The following PLD5 variants were observed in gnomAD, a reference collection of about 807,000 sequenced individuals.
The protein encoded by PLD5 is phospholipase D family member 5, also known as inactive phospholipase D5.
Under a neutral mutation model 61.1 loss-of-function variants are expected in PLD5, and 36 were observed. That is an observed-to-expected ratio of 0.59 (90% CI 0.45 to 0.78). PLD5 has a LOEUF of 0.78. Ranked by LOEUF, PLD5 falls within the 30% of genes least tolerant of loss-of-function variation. The probability of loss-of-function intolerance (pLI) is 0.00; values close to 1 mark genes in which losing one functional copy is unlikely to be tolerated. For missense variants in PLD5, 515 were observed against 644.4 expected, an observed-to-expected ratio of 0.80 and a Z score of 2.17; for synonymous variants, 243 against 242.8, an observed-to-expected ratio of 1.00 and a Z score of -0.01.
intron 1 of PLD5, among the ~76,000 whole-genome samples, chr1:242,490,293 C>T (rs562227417): frequency 6.6e-6 from 1 of 152,212 alleles, no homozygotes; most frequent in East Asian, 1.9e-4. Context: ...TGTAATAAAC[C>T]CAGAAATTCA....
chr1:242,438,104 G>A (rs2654884), intron 1 of PLD5, among the ~76,000 whole-genome samples: 85,778 of 151,672 alleles, frequency 0.57, 24,631 homozygotes, highest in African/African-American at 0.67. Flanking sequence ...TGGGGCATTC[G>A]TAGATATCCT....
At chr1:242,248,665 C>T (rs1275264919) in intron 4 of PLD5, among the ~76,000 whole-genome samples, 1 of 151,884 alleles carries the variant, frequency 6.6e-6, no homozygotes, top group African/African-American at 2.4e-5. Flanking sequence ...GCTGCCCTCA[C>T]TTTGGCTCAA....
intron 5 of PLD5, among the ~76,000 whole-genome samples, chr1:242,158,330 G>A (rs772561006): frequency 2.0e-5 from 3 of 152,156 alleles, no homozygotes; most frequent in Middle Eastern, 3.4e-3. Context: ...GTTCTGTCTC[G>A]CTGGCCTCCC....
chr1:242,525,695 C>G (rs143070779), upstream of PLD5, among the ~76,000 whole-genome samples: 20 of 152,190 alleles, frequency 1.3e-4, no homozygotes, highest in East Asian at 3.9e-3. Context: ...AGGGTGTTGC[C>G]AAGGGTAAAC....
intron 1 of PLD5, among the ~76,000 whole-genome samples, chr1:242,432,980 T>C (rs1665799388): frequency 6.6e-6 from 1 of 152,176 alleles, no homozygotes; most frequent in African/African-American, 2.4e-5. Flanking sequence ...TGTCAAAGTT[T>C]CTGTGGCAGA....
At chr1:242,116,662 G>A (rs1346308511) in intron 6 of PLD5, among the ~76,000 whole-genome samples, 1 of 152,072 alleles carries the variant, frequency 6.6e-6, no homozygotes, top group African/African-American at 2.4e-5. Flanking sequence ...TGAGAACATG[G>A]TATTTGGTTT....
chr1:242,420,149 G>A (rs1665059087), intron 1 of PLD5, among the ~76,000 whole-genome samples: 1 of 152,112 alleles, frequency 6.6e-6, no homozygotes, highest in Non-Finnish European at 1.5e-5. Context: ...ATTCCAAATG[G>A]TTTATGTACA....
At chr1:242,406,855 T>C (rs929442041) in intron 1 of PLD5, among the ~76,000 whole-genome samples, 4 of 152,226 alleles carry the variant, frequency 2.6e-5, no homozygotes, top group Admixed American at 6.5e-5. Flanking sequence ...CAATTAGCCA[T>C]TAGTAGACTA....
At chr1:242,149,980 A>G (rs760443437) in intron 5 of PLD5, among the ~76,000 whole-genome samples, 10 of 151,726 alleles carry the variant, frequency 6.6e-5, no homozygotes, top group Non-Finnish European at 1.2e-4. Context: ...TGTGTTATAA[A>G]CTTCTTTCAA....
chr1:242,211,448 G>C (rs963619010), intron 5 of PLD5, among the ~76,000 whole-genome samples: 2 of 152,208 alleles, frequency 1.3e-5, no homozygotes, highest in Non-Finnish European at 2.9e-5. Context: ...GCCCTCTCCA[G>C]GGTGGGGGCA....
At chr1:242,362,824 G>A (rs1048255537) in intron 1 of PLD5, among the ~76,000 whole-genome samples, 76 of 152,086 alleles carry the variant, frequency 5.0e-4, no homozygotes, top group Admixed American at 1.2e-3. Context: ...TTTCCTGAGG[G>A]ACTTTAATTT....
At chr1:242,278,834 G>C (rs184134653) in intron 3 of PLD5, among the ~76,000 whole-genome samples, 1 of 152,286 alleles carries the variant, frequency 6.6e-6, no homozygotes, top group African/African-American at 2.4e-5. Flanking sequence ...ATTTAAAATG[G>C]GAGGATGCTA....
intron 1 of PLD5, among the ~76,000 whole-genome samples, chr1:242,513,623 C>T (rs1000203010): frequency 7.9e-5 from 12 of 152,140 alleles, no homozygotes; most frequent in Non-Finnish European, 1.5e-5. Flanking sequence ...CTGAATCTTC[C>T]GAAGTCTGAA....
intron 5 of PLD5, among the ~76,000 whole-genome samples, chr1:242,184,349 T>C (rs1273388133): frequency 6.6e-6 from 1 of 152,204 alleles, no homozygotes; most frequent in Non-Finnish European, 1.5e-5. Flanking sequence ...ACTGCACAGT[T>C]TGGAAACCAC....
At chr1:242,393,635 T>C (rs1206837081) in intron 1 of PLD5, among the ~76,000 whole-genome samples, 1 of 104,906 alleles carries the variant, frequency 9.5e-6, no homozygotes, top group African/African-American at 4.1e-5. Flanking sequence ...TGAGTATATA[T>C]ATGTGTATAT....
At position 242,411,924 on chromosome 1, in the gene PLD5, T is replaced by C. The variant is rs56868114; in HGVS notation, c.190-63682A>G. On this transcript the variant is annotated intron_variant, in intron 1 of 9. Transcript: ENST00000536534. ...AGGTTCTTGGGAGGTTTAGTACTTA[T>C]AATTTTCCTTTAAAAAAGAAAAAAA... Among the ~76,000 whole-genome samples the C allele has an allele frequency of 7.6e-3, 1,115 of 147,474 alleles. 17 individuals are homozygous for C. The highest frequency in any genetic ancestry group is 0.026 in the African/African-American group (1,061 of 40,800).
intron 1 of PLD5, among the ~76,000 whole-genome samples, chr1:242,484,667 C>T (rs1294445608): frequency 6.6e-6 from 1 of 152,150 alleles, no homozygotes. Context: ...TAAAACTATT[C>T]CAATCAATAG....
At chr1:242,508,561 G>A (rs1572265865) in intron 1 of PLD5, among the ~76,000 whole-genome samples, 1 of 152,108 alleles carries the variant, frequency 6.6e-6, no homozygotes, top group East Asian at 1.9e-4. Context: ...AGTACACTAA[G>A]GTCAGTACAT....
chr1:242,435,580 T>G (rs752554286), intron 1 of PLD5, among the ~76,000 whole-genome samples: 2 of 152,130 alleles, frequency 1.3e-5, no homozygotes, highest in Non-Finnish European at 2.9e-5. Context: ...TCAGTGTTAA[T>G]GAATCAACAA....
Sources: allele counts gnomAD v4.1 joint callset (sites outside exome capture counted in the v4.1 genomes callset), GRCh38; gene constraint gnomAD v4.1.1; transcripts MANE v1.5; gene names NCBI Gene and HGNC (gene_info 2026-07-23, HGNC 2026-07-21).